LRRC61: variants seen among roughly 807,000 people sequenced by gnomAD.
LRRC61 encodes leucine-rich repeat-containing protein 61.
A neutral mutation model predicts 15.1 loss-of-function variants in LRRC61; 9 were observed. That is an observed-to-expected ratio of 0.60 (90% CI 0.36 to 1.04). LRRC61 has a LOEUF of 1.04. Ranked by LOEUF, LRRC61 falls within the 50% of genes least tolerant of loss-of-function variation. The probability of loss-of-function intolerance (pLI) is 0.01; values close to 1 mark genes in which losing one functional copy is unlikely to be tolerated. For missense variants in LRRC61, 344 were observed against 335.6 expected, an observed-to-expected ratio of 1.03 and a Z score of -0.20; for synonymous variants, 173 against 158.6, an observed-to-expected ratio of 1.09 and a Z score of -0.68.
At position 150,330,488 on chromosome 7, in the gene LRRC61, G is replaced by A. The variant is rs773438604; in HGVS notation, c.-145+4478G>A. ...TGCGCTACCTGCACATCTTCCTGGA[G>A]CAGGTTCACACACACTTTCAGGAGC... On this transcript the variant is annotated intron_variant, in intron 2 of 2. Coordinates refer to ENST00000359623, the MANE Select transcript of LRRC61 (RefSeq NM_001142928.2). This position sits in a 1 kb window ranked among gnomAD's most constrained non-coding sequence, Gnocchi z 4.6. 3.8e-6 allele frequency: 3 copies of A among 780,308 alleles called. No individual in the cohort carries two copies. Among genetic ancestry groups the A allele is most frequent in the African/African-American group, 1.7e-5 (1 of 59,286 alleles). The allele number at this position is 780,308 out of a possible 1,614,324, so 48.3% of individuals were successfully genotyped here.
At chr7:150,316,016 G>A in the LRRC61 span, among the ~76,000 whole-genome samples, 3 of 152,142 alleles carry the variant, frequency 2.0e-5, no homozygotes, top group Non-Finnish European at 4.4e-5. Flanking sequence ...TGACCAACAT[G>A]GAGAAACCCC....
At position 150,333,196 on chromosome 7, in the gene LRRC61, A is replaced by G. The variant is rs1056138208; in HGVS notation, c.-144-3522A>G. On this transcript the variant is annotated intron_variant, in intron 2 of 2. Coordinates refer to ENST00000359623, the MANE Select transcript of LRRC61 (RefSeq NM_001142928.2). This position sits in a 1 kb window ranked among gnomAD's most constrained non-coding sequence, Gnocchi z 4.3. ...AACGTGAGAAGATTGGGTGAGGATG[A>G]AAGGAAGAGGGTGAGAGAGCTTGAT... Among the ~76,000 whole-genome samples the G allele has an allele frequency of 5.3e-5, 8 of 152,182 alleles. No homozygotes were observed. Among genetic ancestry groups the G allele is most frequent in the African/African-American group, 1.9e-4 (8 of 41,440 alleles).
At chr7:150,332,922 C>G (rs1798157161) in intron 2 of LRRC61, among the ~76,000 whole-genome samples, 1 of 152,166 alleles carries the variant, frequency 6.6e-6, no homozygotes, top group Non-Finnish European at 1.5e-5. Flanking sequence ...TGCTGGATCT[C>G]TCCCTGCAGT....
chr7:150,309,854 C>A, the LRRC61 span, among the ~76,000 whole-genome samples: 6 of 152,180 alleles, frequency 3.9e-5, no homozygotes, highest in Admixed American at 3.9e-4. Context: ...GGAAAGCCCC[C>A]TGGACCATCA....
chr7:150,314,979 T>C, the LRRC61 span, among the ~76,000 whole-genome samples: 1 of 147,542 alleles, frequency 6.8e-6, no homozygotes, highest in Non-Finnish European at 1.5e-5. Flanking sequence ...TAAATAGTAT[T>C]ATTTTTAATA....
chr7:150,325,157 C>A (rs1797916635), intron 1 of LRRC61, among the ~76,000 whole-genome samples: 1 of 152,224 alleles, frequency 6.6e-6, no homozygotes, highest in South Asian at 2.1e-4. Context: ...TCCATCATTC[C>A]TCCTCTTCCA....
rs772150075 is a variant in LRRC61 at position 150,330,556 on chromosome 7, G to T, written c.-145+4546G>T. ...GGCGCAGCCATCCAGCTGGCTGAGG[G>T]GTTGGCCCGGCAGCTCTGCACCGAC... On this transcript the variant is annotated intron_variant, in intron 2 of 2. Transcript: ENST00000359623. The surrounding 1 kb of genome is among the most constrained non-coding windows in gnomAD (Gnocchi z 4.6). 1.3e-6 allele frequency: 1 copy of T among 778,470 alleles called. No individual in the cohort carries two copies. The highest frequency in any genetic ancestry group is 2.4e-6 in the Non-Finnish European group (1 of 417,248). 48.2% of individuals were successfully genotyped at this position (778,470 alleles called of 1,614,324 possible).
At chr7:150,331,453 A>G (rs3800783) in intron 2 of LRRC61, 8,502 of 248,060 alleles carry the variant, frequency 0.034, 379 homozygotes, top group East Asian at 0.13. Context: ...ATTTGGTAGG[A>G]AAGGGTCAGT....
Position 150,333,827 on chromosome 7 carries a change from TG to T in LRRC61, c.-144-2888del. The T allele has an allele frequency of 1.1e-6, 1 of 910,718 alleles. No homozygotes were observed. Among genetic ancestry groups the T allele is most frequent in the Non-Finnish European group, 1.3e-6 (1 of 762,212 alleles). 56.4% of individuals were successfully genotyped at this position (910,718 alleles called of 1,614,324 possible). ...TGATGGTTAGTTGGGTCTGCACAGG[TG>T]GGCGCCGGCTGGTTCTCAGTCCTAC... On this transcript the variant is annotated intron_variant, in intron 2 of 2. Transcript: ENST00000359623. This position sits in a 1 kb window ranked among gnomAD's most constrained non-coding sequence, Gnocchi z 4.3.
At chr7:150,323,642 G>T (rs887886941) in intron 1 of LRRC61, 82 bp downstream of exon 1, 9 of 455,586 alleles carry the variant, frequency 2.0e-5, no homozygotes, top group Non-Finnish European at 4.0e-5. Context: ...CCACCTGCTG[G>T]GCCAGCGGTG....
At position 150,325,883 on chromosome 7, in the gene LRRC61, A is replaced by C. The variant is rs1183433182; in HGVS notation, c.-272A>C. On this transcript the variant is annotated 5_prime_UTR_variant, in exon 2 of 3. Transcript: ENST00000359623. ...GTTGGCTCTCAACAGTGCCAGCTGCACTGTCATCCTAAAGTACTTCTGTGG... is the reference window on the plus strand; with the variant it reads ...GTTGGCTCTCAACAGTGCCAGCTGCCCTGTCATCCTAAAGTACTTCTGTGG... The C allele has an allele frequency of 6.6e-6, 1 of 152,670 alleles. No homozygotes were observed. The highest frequency in any genetic ancestry group is 1.5e-5 in the Non-Finnish European group (1 of 68,044). 9.5% of individuals were successfully genotyped at this position (152,670 alleles called of 1,614,324 possible).
At chr7:150,334,861 A>C (rs1315651321) in intron 2 of LRRC61, among the ~76,000 whole-genome samples, 1 of 152,200 alleles carries the variant, frequency 6.6e-6, no homozygotes, top group Non-Finnish European at 1.5e-5. Flanking sequence ...TCTACTAAAA[A>C]TACAAAAATT....
At chr7:150,336,671 C>T (rs1037618947) in intron 2 of LRRC61, 47 bp from the exon 3 acceptor site, 14 of 700,330 alleles carry the variant, frequency 2.0e-5, no homozygotes, top group Admixed American at 5.8e-5. Flanking sequence ...TCACCTGCTG[C>T]GTAAGACACA....
rs1276996987 is a variant in LRRC61, at chr7:150,323,768, T to C, written c.-315+208T>C. ...AAATACTGTGGTATTAATTAACTCG[T>C]TTAACACTAACAATCTCATGAGGCG... is the stretch of plus-strand genomic sequence containing the variant. On this transcript the variant is annotated intron_variant, in intron 1 of 2. Transcript: ENST00000359623. The C allele has an allele frequency of 1.8e-4, 80 of 448,228 alleles. No individual in the cohort carries two copies. The Admixed American group carries it at 1.9e-3, about 11-fold the overall frequency. The allele number at this position is 448,228 out of a possible 1,614,324, so 27.8% of individuals were successfully genotyped here.
intron 2 of LRRC61, among the ~76,000 whole-genome samples, chr7:150,326,631 G>C (rs73474325): frequency 0.012 from 1,777 of 150,972 alleles, 38 homozygotes; most frequent in African/African-American, 0.042. Context: ...TTGCAACAAG[G>C]TAGATCATGC....
chr7:150,325,365 G>A (rs1216299620), intron 1 of LRRC61, among the ~76,000 whole-genome samples: 2 of 152,242 alleles, frequency 1.3e-5, no homozygotes, highest in Non-Finnish European at 1.5e-5. Context: ...ATGGGCAGGC[G>A]TGCAGCCCAA....
At chr7:150,331,078 C>T (rs765306561) in intron 2 of LRRC61, 4 of 1,613,322 alleles carry the variant, frequency 2.5e-6, no homozygotes, top group East Asian at 2.2e-5. Context: ...GCCTGGCCAC[C>T]ATCTATCTGT....
At chr7:150,331,164 T>G in intron 2 of LRRC61, 16 of 1,527,758 alleles carry the variant, frequency 1.0e-5, no homozygotes, top group African/African-American at 1.4e-5. Flanking sequence ...AGCAAAACTC[T>G]TCTCTCAAGG....
intron 2 of LRRC61, chr7:150,334,182 C>T: frequency 1.1e-6 from 1 of 921,136 alleles, no homozygotes; most frequent in Non-Finnish European, 1.3e-6. Flanking sequence ...AAGCCACTGA[C>T]CCAGTTCCTC....
Sources: gnomAD v4.1 joint callset for allele counts (sites outside exome capture counted in the v4.1 genomes callset) on GRCh38, gnomAD v4.1.1 for gene constraint, Gnocchi (gnomAD v3.1) non-coding constraint, MANE v1.5 for transcripts, NCBI Gene and HGNC (gene_info 2026-07-23, HGNC 2026-07-21) for gene names.